HK1: variants seen among roughly 807,000 people sequenced by gnomAD.
HK1 encodes the protein hexokinase 1.
HK1 carries 28 observed loss-of-function variants against 91.6 expected under a neutral mutation model. That is an observed-to-expected ratio of 0.31 (90% CI 0.23 to 0.42). The LOEUF (loss-of-function observed/expected upper bound fraction) is 0.42. Ranked by LOEUF, HK1 falls within the 10% of genes least tolerant of loss-of-function variation. The pLI, the probability that HK1 is intolerant of heterozygous loss-of-function variation, is 1.00. For synonymous variants in HK1, 430 were observed against 468.1 expected (o/e 0.92, Z 1.05); for missense variants, 770 against 1,219.8 (o/e 0.63, Z 5.49).
At chr10:69,300,604 C>A (rs755765171) in intron 4 of HK1, 11 of 710,876 alleles carry the variant, frequency 1.5e-5, no homozygotes, top group Non-Finnish European at 2.8e-5. Context: ...CTGATCATGC[C>A]ACACTTGTTT....
chr10:69,352,492 A>AGTGGCTTC (rs1331533220), intron 2 of HK1, among the ~76,000 whole-genome samples: 1 of 152,196 alleles, frequency 6.6e-6, no homozygotes, highest in Non-Finnish European at 1.5e-5. Context: ...ATTTAAAACC[A>AGTGGCTTC]GTGGCTTCAT....
At chr10:69,366,661 T>C (rs1036633850) in intron 4 of HK1, among the ~76,000 whole-genome samples, 1 of 152,178 alleles carries the variant, frequency 6.6e-6, no homozygotes, top group African/African-American at 2.4e-5. Context: ...ATATGTAGAC[T>C]CTTAATCTGG....
At chr10:69,271,410 A>G (rs895311991) in intron 1 of HK1, among the ~76,000 whole-genome samples, 2 of 152,146 alleles carry the variant, frequency 1.3e-5, no homozygotes, top group African/African-American at 4.8e-5. Flanking sequence ...TAATACATGC[A>G]TGTATTTATT....
At chr10:69,326,028 G>A (rs1270048495) in intron 1 of HK1, among the ~76,000 whole-genome samples, 1 of 151,576 alleles carries the variant, frequency 6.6e-6, no homozygotes, top group Non-Finnish European at 1.5e-5. Flanking sequence ...TAGAGACGGG[G>A]TTTCACCGTG....
intron 1 of HK1, among the ~76,000 whole-genome samples, chr10:69,278,049 T>C (rs1589429814): frequency 6.7e-6 from 1 of 148,460 alleles, no homozygotes; most frequent in Admixed American, 6.8e-5. Context: ...AAAAAAAGGT[T>C]TGTTTTATAG....
At chr10:69,363,331 G>T (rs1364906355) in intron 3 of HK1, among the ~76,000 whole-genome samples, 1 of 152,212 alleles carries the variant, frequency 6.6e-6, no homozygotes, top group African/African-American at 2.4e-5. Flanking sequence ...GAGGTTCTTA[G>T]TTCTACTAAC....
intron 10 of HK1, among the ~76,000 whole-genome samples, chr10:69,383,680 A>T (rs1394032933): frequency 6.6e-6 from 1 of 152,254 alleles, no homozygotes; most frequent in East Asian, 1.9e-4. Flanking sequence ...GGCAGATCTC[A>T]GACGCCCTTC....
chr10:69,363,593 G>T (rs1017311606), intron 3 of HK1, among the ~76,000 whole-genome samples: 1 of 152,098 alleles, frequency 6.6e-6, no homozygotes, highest in African/African-American at 2.4e-5. Context: ...TGCCCAGGCT[G>T]GTGTCAAACT....
At chr10:69,400,219 C>T (rs111664428) in intron 17 of HK1, among the ~76,000 whole-genome samples, 1 of 152,202 alleles carries the variant, frequency 6.6e-6, no homozygotes, top group Non-Finnish European at 1.5e-5. Context: ...AAGTGATCCT[C>T]CCACCTTGGC....
intron 1 of HK1, among the ~76,000 whole-genome samples, chr10:69,276,197 G>C (rs1179083042): frequency 7.7e-6 from 1 of 129,998 alleles, no homozygotes; most frequent in African/African-American, 2.9e-5. Flanking sequence ...GATTAAACTT[G>C]TTTTGTTGTT....
chr10:69,285,419 A>G (rs1844982448), intron 2 of HK1, among the ~76,000 whole-genome samples: 1 of 152,130 alleles, frequency 6.6e-6, no homozygotes, highest in Non-Finnish European at 1.5e-5. Flanking sequence ...GAGAGATTCC[A>G]TCTCAAAACA....
intron 5 of HK1, among the ~76,000 whole-genome samples, chr10:69,310,710 A>G (rs1344833110): frequency 6.6e-6 from 1 of 152,214 alleles, no homozygotes; most frequent in Non-Finnish European, 1.5e-5. Context: ...CAGTCAAACT[A>G]CAAGTTTATT....
chr10:69,290,124 ACACAGTGGG>A (rs1199591312), intron 3 of HK1, among the ~76,000 whole-genome samples: 2 of 152,138 alleles, frequency 1.3e-5, no homozygotes, highest in Admixed American at 1.3e-4. Context: ...GGAAATTGAG[ACACAGTGGG>A]CTTGATCTCA....
rs1322968919 is a variant in HK1, at chr10:69,328,999, AT to A, written c.63+9991del. On this transcript the variant is annotated intron_variant, in intron 1 of 17. Transcript: ENST00000359426. ...ATGTGTTAGCACTTCATTCCTTTTT[AT>A]TGCTGAATGCTATTCCATTGTATTT... 4.6e-5 allele frequency among the ~76,000 whole-genome samples: 7 copies of A among 152,124 alleles called. No individual in the cohort carries two copies. The East Asian group carries it at 1.4e-3, about 29-fold the overall frequency.
chr10:69,340,501 C>T (rs59962166), intron 1 of HK1, among the ~76,000 whole-genome samples: 4,743 of 152,264 alleles, frequency 0.031, 253 homozygotes, highest in African/African-American at 0.11. Context: ...CCACTCGCCT[C>T]GGCCTCTCAA....
chr10:69,395,568 C>T (rs186404961), intron 16 of HK1, among the ~76,000 whole-genome samples: 7 of 152,270 alleles, frequency 4.6e-5, no homozygotes, highest in Admixed American at 2.0e-4. Flanking sequence ...GGCAACAGAG[C>T]GAGACTGCAT....
chr10:69,308,864 G>A (rs1459600500), intron 5 of HK1, among the ~76,000 whole-genome samples: 1 of 152,192 alleles, frequency 6.6e-6, no homozygotes, highest in African/African-American at 2.4e-5. Flanking sequence ...TAATTGCACT[G>A]CTGATCTGAC....
At chr10:69,299,400 C>G (rs1845736073) in intron 4 of HK1, among the ~76,000 whole-genome samples, 1 of 151,550 alleles carries the variant, frequency 6.6e-6, no homozygotes, top group Admixed American at 6.6e-5. Context: ...CGGAGTCTCT[C>G]TCTGTTGCCC....
At chr10:69,356,540 T>C (rs897139569) in intron 2 of HK1, among the ~76,000 whole-genome samples, 6 of 152,154 alleles carry the variant, frequency 3.9e-5, no homozygotes, top group Non-Finnish European at 8.8e-5. Flanking sequence ...ATATGTCTGA[T>C]AAAGGATTTG....
Sources: gnomAD v4.1 joint callset for allele counts (sites outside exome capture counted in the v4.1 genomes callset) on GRCh38, gnomAD v4.1.1 for gene constraint, MANE v1.5 for transcripts, NCBI Gene and HGNC (gene_info 2026-07-23, HGNC 2026-07-21) for gene names.